Variants in MACF1 observed in about 807,000 individuals in gnomAD.
The protein encoded by MACF1 is microtubule-actin cross-linking factor 1.
MACF1 carries 193 observed loss-of-function variants against 854.8 expected under a neutral mutation model. That is an observed-to-expected ratio of 0.23 (90% confidence interval 0.20 to 0.25). The LOEUF (loss-of-function observed/expected upper bound fraction) is 0.25, where lower values mean the gene tolerates loss of function less well. Among genes scored for constraint, MACF1 ranks in the 10% least tolerant of loss-of-function variants. The pLI, the probability that MACF1 is intolerant of heterozygous loss-of-function variation, is 1.00. For missense variants in MACF1, 7,722 were observed against 8,929.1 expected (o/e 0.86, Z 5.45); for synonymous variants, 3,185 against 3,226.7 (o/e 0.99, Z 0.44).
intron 2 of MACF1, chr1:39,103,128 T>G (rs1642135336): frequency 4.1e-6 from 2 of 483,304 alleles, no homozygotes; most frequent in Admixed American, 3.2e-5. Context: ...GTTTCTTCTT[T>G]GATTTGTGTG....
At chr1:39,277,376 G>T (rs1289365880) in intron 6 of MACF1, among the ~76,000 whole-genome samples, 3 of 152,092 alleles carry the variant, frequency 2.0e-5, no homozygotes, top group African/African-American at 7.2e-5. Flanking sequence ...ACAGTTTTTT[G>T]AAATTACAAA....
intron 86 of MACF1, 75 bp downstream of exon 86, chr1:39,452,425 T>A: frequency 1.4e-6 from 2 of 1,423,844 alleles, no homozygotes; most frequent in Non-Finnish European, 1.9e-6. Context: ...TACTAGAATC[T>A]GTTCCAGTCA....
chr1:39,317,270 A>G lies in MACF1; in HGVS notation c.3645A>G (p.Glu1215=). 6.2e-7 allele frequency: 1 copy of G among 1,614,122 alleles called. No individual in the cohort carries two copies. Among genetic ancestry groups the G allele is most frequent in the Non-Finnish European group, 8.5e-7 (1 of 1,180,022 alleles). Residue 1215 remains glutamate, a synonymous_variant, in exon 29 of 101, where the codon GAA becomes GAG. Coordinates refer to ENST00000564288, the MANE Select transcript of MACF1 (RefSeq NM_001394062.1). The part of the protein sequence containing the change: ...KNSVFSVLDE[E]IAKAKVVAEQ... ...CAGTGTTTTCAGTCCTGGATGAGGA[A>G]ATTGCCAAGGCCAAGGTAGTGGCAG...
intron 58 of MACF1, among the ~76,000 whole-genome samples, chr1:39,417,713 ATTTTTTTTTTTTTTTTTTTTTTT>A (rs56799242): frequency 4.3e-4 from 24 of 55,796 alleles, no homozygotes; most frequent in Admixed American, 3.8e-3. Flanking sequence ...CACCCAGTTA[ATTTTTTTTTTTTTTTTTTTTTTT>A]TTTTTTTTTT....
At chr1:39,281,348 CAT>C (rs1645541139) in intron 6 of MACF1, among the ~76,000 whole-genome samples, 1 of 151,970 alleles carries the variant, frequency 6.6e-6, no homozygotes, top group African/African-American at 2.4e-5. Flanking sequence ...ATGCCTTGTA[CAT>C]ATATATGACT....
At chr1:39,349,757 C>G (rs1647136197) in intron 42 of MACF1, 130 bp downstream of exon 42, 13 of 967,134 alleles carry the variant, frequency 1.3e-5, no homozygotes, top group Non-Finnish European at 1.8e-5. Flanking sequence ...CTCAGCCTCC[C>G]CAGGAGCTGG....
rs1372274140 is a variant in MACF1 at position 39,283,337 on chromosome 1, C to T, written c.808+36C>T. 5 of 1,582,134 alleles carry T rather than the reference C, an allele frequency of 3.2e-6. No individual in the cohort carries two copies. The highest frequency in any genetic ancestry group is 2.2e-5 in the East Asian group (1 of 44,730). On this transcript the variant is annotated intron_variant, in intron 8 of 100. Transcript: ENST00000564288. The surrounding 1 kb of genome is among the most constrained non-coding windows in gnomAD (Gnocchi z 4.5). The stretch of plus-strand genomic sequence containing the variant: ...GTTTACTGAACTTGAGTAAGGAACA[C>T]GTATTCAGTATTCCTTCTTCTGGCA...
chr1:39,202,268 A>G (rs1049183650), upstream of MACF1, among the ~76,000 whole-genome samples: 5 of 145,680 alleles, frequency 3.4e-5, no homozygotes, highest in African/African-American at 1.0e-4. Context: ...GCCCGGCCTC[A>G]TATTCTTTAT....
chr1:39,281,415 A>G (rs1307722303), intron 6 of MACF1, among the ~76,000 whole-genome samples: 1 of 151,736 alleles, frequency 6.6e-6, no homozygotes, highest in Non-Finnish European at 1.5e-5. Context: ...CAAGATTACT[A>G]TATTATTTTG....
At chr1:39,342,242 T>C (rs1223378395) in intron 40 of MACF1, among the ~76,000 whole-genome samples, 1 of 152,186 alleles carries the variant, frequency 6.6e-6, no homozygotes, top group Non-Finnish European at 1.5e-5. Flanking sequence ...TTCTTTCTTA[T>C]GGCTGGATAG....
intron 58 of MACF1, among the ~76,000 whole-genome samples, chr1:39,415,841 A>C (rs1349024611): frequency 6.6e-6 from 1 of 152,214 alleles, no homozygotes; most frequent in Non-Finnish European, 1.5e-5. Flanking sequence ...TAATCTGAAC[A>C]CAAGAGATGA....
chr1:39,251,996 C>A, intron 4 of MACF1, 55 bp downstream of exon 4: 3 of 1,248,720 alleles, frequency 2.4e-6, no homozygotes, highest in Non-Finnish European at 3.2e-6. Flanking sequence ...CACTGCAGGG[C>A]CATCAGAGTC....
chr1:39,373,884 G>A (rs192758159), intron 52 of MACF1, among the ~76,000 whole-genome samples: 160 of 151,478 alleles, frequency 1.1e-3, no homozygotes, highest in African/African-American at 3.7e-3. Context: ...CTTCAAAGGG[G>A]GTACAAAGAT....
chr1:39,139,077 G>C (rs1270710251), intron 2 of MACF1, among the ~76,000 whole-genome samples: 1 of 152,226 alleles, frequency 6.6e-6, no homozygotes, highest in Non-Finnish European at 1.5e-5. Flanking sequence ...CCATGTTAAT[G>C]CATATGATGT....
intron 2 of MACF1, among the ~76,000 whole-genome samples, chr1:39,086,854 A>G (rs905765471): frequency 1.3e-5 from 2 of 152,198 alleles, no homozygotes; most frequent in Non-Finnish European, 2.9e-5. Flanking sequence ...TCTCCTTTGC[A>G]TCCTGACACT....
In MACF1 at chr1:39,409,227, G is replaced by T. The variant is rs911130269; in HGVS notation, c.15817-13147G>T. ...CGGGCGGGGAGGACGGCGGGGCCGC[G>T]GGGCCAGCGGCGTGGTGGAGAATAG... On this transcript the variant is annotated intron_variant, in intron 58 of 100. Transcript: ENST00000564288. The surrounding 1 kb of genome is among the most constrained non-coding windows in gnomAD (Gnocchi z 4.2). 4.0e-4 allele frequency among the ~76,000 whole-genome samples: 61 copies of T among 152,004 alleles called. No individual in the cohort carries two copies. The highest frequency in any genetic ancestry group is 9.8e-4 in the Admixed American group (15 of 15,278).
chr1:39,113,136 C>T (rs55693866), intron 2 of MACF1, among the ~76,000 whole-genome samples: 21,214 of 152,086 alleles, frequency 0.14, 1,904 homozygotes, highest in Non-Finnish European at 0.2. Flanking sequence ...TTCCTACTGG[C>T]ATTCCAGACC....
At chr1:39,291,595 G>T (rs1400614294) in intron 15 of MACF1, among the ~76,000 whole-genome samples, 2 of 152,184 alleles carry the variant, frequency 1.3e-5, no homozygotes, top group African/African-American at 4.8e-5. Context: ...AAAGAGAAAT[G>T]CCTAAACTGT....
chr1:39,333,124 A>AG lies in MACF1; in HGVS notation c.6537dup (p.Thr2180AspfsTer2). The AG allele has an allele frequency of 6.2e-7, 1 of 1,614,164 alleles. No individual in the cohort carries two copies. Among genetic ancestry groups the AG allele is most frequent in the Non-Finnish European group, 8.5e-7 (1 of 1,180,032 alleles). On this transcript the variant is annotated frameshift_variant, in exon 37 of 101. Coordinates refer to ENST00000564288, the MANE Select transcript of MACF1 (RefSeq NM_001394062.1). LOFTEE classifies it high-confidence loss of function. ...CAGAATGAACAAGCACACACTCTTG[A>AG]GACTGAATATATTCATGATGAAACT...
Sources: allele counts gnomAD v4.1 joint callset (sites outside exome capture counted in the v4.1 genomes callset), GRCh38; gene constraint gnomAD v4.1.1; non-coding constraint Gnocchi (gnomAD v3.1); transcripts MANE v1.5; gene names NCBI Gene and HGNC (gene_info 2026-07-23, HGNC 2026-07-21).